The following TARS3 variants were observed in gnomAD, a reference collection of about 807,000 sequenced individuals.
TARS3 encodes threonine--tRNA ligase 2, cytoplasmic.
A neutral mutation model predicts 103.5 loss-of-function variants in TARS3; 94 were observed. The ratio of observed to expected loss-of-function variants is 0.91; its 90% confidence interval spans 0.77 to 1.08. TARS3 has a LOEUF of 1.08. TARS3 is among the 50% of genes least tolerant of loss of function. The pLI is 0.00. For synonymous variants in TARS3, 416 were observed against 355.4 expected, an observed-to-expected ratio of 1.17 and a Z score of -1.92; for missense variants, 952 against 995.2, an observed-to-expected ratio of 0.96 and a Z score of 0.58.
At chr15:101,703,465 C>A (rs778204043) in intron 8 of TARS3, among the ~76,000 whole-genome samples, 16 of 152,172 alleles carry the variant, frequency 1.1e-4, no homozygotes, top group Non-Finnish European at 2.1e-4. Context: ...TGGTGCAGGC[C>A]TGTAATCACA....
chr15:101,710,746 G>A (rs1426215540), intron 5 of TARS3, among the ~76,000 whole-genome samples: 4 of 152,148 alleles, frequency 2.6e-5, no homozygotes, highest in Non-Finnish European at 5.9e-5. Flanking sequence ...GCAGGAGAAG[G>A]TAAAGACAAA....
In TARS3 at chr15:101,701,146, TC is replaced by T. The variant is rs1247505435; in HGVS notation, c.1259del (p.Gly420GlufsTer71). The T allele has an allele frequency of 6.3e-7, 1 of 1,598,112 alleles. No homozygotes were observed. The highest frequency in any genetic ancestry group is 8.5e-7 in the Non-Finnish European group (1 of 1,175,672). Reference protein sequence around the residue: ...ELFFFHDLSPGSCFFLPRGAF... With the variant: ...ELFFFHDLSPXSCFFLPRGAF... ...CTCCTCTGGGAAGGAAAAAACAGCT[TC>T]CAGGACTCAAATCGTGGAAAAAGAA... On this transcript the variant is annotated frameshift_variant, in exon 10 of 19. Coordinates refer to ENST00000335968, the MANE Select transcript of TARS3 (RefSeq NM_152334.3). LOFTEE classifies it high-confidence loss of function.
chr15:101,675,967 G>A (rs1898007527), intron 12 of TARS3, among the ~76,000 whole-genome samples: 1 of 147,096 alleles, frequency 6.8e-6, no homozygotes, highest in South Asian at 2.1e-4. Flanking sequence ...AAAAGGCAGC[G>A]CCGCGCACAG....
intron 11 of TARS3, 84 bp downstream of exon 11, chr15:101,685,812 C>G: frequency 8.7e-7 from 1 of 1,155,900 alleles, no homozygotes; most frequent in Non-Finnish European, 1.2e-6. Context: ...GGGACTCTTT[C>G]ATTCCACAAA....
intron 16 of TARS3, among the ~76,000 whole-genome samples, chr15:101,661,145 A>AAG (rs1233529777): frequency 1.0e-5 from 1 of 99,572 alleles, no homozygotes; most frequent in African/African-American, 4.7e-5. Context: ...CACTCAAAAA[A>AAG]GACCACAAGA....
chr15:101,716,134 G>A lies in TARS3; in HGVS notation c.567-1171C>T, dbSNP rs111259050. ...TGGGTTCAAGCGATTCTCCTGCCTC[G>A]GCCTCCCGAGTAGCTGGGAATACAG... On this transcript the variant is annotated intron_variant, in intron 3 of 18. Transcript: ENST00000335968. 6.7e-4 allele frequency among the ~76,000 whole-genome samples: 101 copies of A among 151,470 alleles called. 1 individual carries two copies. In the South Asian group the frequency reaches 8.8e-3, roughly 13 times the overall value.
chr15:101,709,734 A>G (rs754840025), intron 5 of TARS3, among the ~76,000 whole-genome samples: 3 of 152,228 alleles, frequency 2.0e-5, no homozygotes, highest in Non-Finnish European at 4.4e-5. Context: ...CTGCTGAATC[A>G]CCAGCACCCA....
intron 6 of TARS3, 75 bp from the exon 7 acceptor site, chr15:101,705,822 G>T: frequency 8.1e-7 from 1 of 1,232,004 alleles, no homozygotes. Context: ...TTTTCTTCAA[G>T]AAACATTGAA....
In TARS3 at chr15:101,706,046, G is replaced by T. The variant is rs149387409; in HGVS notation, c.931-299C>A. The stretch of plus-strand genomic sequence containing the variant: ...TGCCACCATCTTGGCTCACTGCAAC[G>T]TCCGTCTCCCTGGTTCAAGCGATTC... On this transcript the variant is annotated intron_variant, in intron 6 of 18. Transcript: ENST00000335968. Among the ~76,000 whole-genome samples the T allele has an allele frequency of 1.6e-3, 240 of 152,254 alleles. 1 individual carries two copies. The highest frequency in any genetic ancestry group is 5.3e-3 in the African/African-American group (221 of 41,550).
chr15:101,697,246 A>G (rs1899024025), intron 10 of TARS3, among the ~76,000 whole-genome samples: 1 of 152,206 alleles, frequency 6.6e-6, no homozygotes, highest in Admixed American at 6.5e-5. Flanking sequence ...TATGAACCTC[A>G]TGATTCTTCA....
intron 3 of TARS3, among the ~76,000 whole-genome samples, chr15:101,717,486 AAGG>A (rs147580969): frequency 0.026 from 3,891 of 152,320 alleles, 181 homozygotes; most frequent in African/African-American, 0.089. Context: ...TCTTCTCCAG[AAGG>A]AGTTTTCCAG....
In TARS3 at chr15:101,702,458, T is replaced by C. The variant is rs1899332739; in HGVS notation, c.1075-73A>G. 13 of 1,308,452 alleles carry C rather than the reference T, an allele frequency of 9.9e-6. No individual in the cohort carries two copies. The Middle Eastern group carries it at 5.5e-4, about 55-fold the overall frequency. 81.1% of individuals were successfully genotyped at this position (1,308,452 alleles called of 1,614,324 possible). ...AAGTAAAACTGCTCTTAAATACAAA[T>C]GCAATTTTCCACTATCATATCAACA... On this transcript the variant is annotated intron_variant, in intron 8 of 18. Coordinates refer to ENST00000335968, the MANE Select transcript of TARS3 (RefSeq NM_152334.3).
intron 3 of TARS3, among the ~76,000 whole-genome samples, chr15:101,718,901 T>C (rs966359921): frequency 6.6e-6 from 1 of 152,240 alleles, no homozygotes; most frequent in Non-Finnish European, 1.5e-5. Flanking sequence ...TCTGTGACTA[T>C]GTGATCCTTA....
intron 15 of TARS3, among the ~76,000 whole-genome samples, chr15:101,663,170 G>A (rs534782892): frequency 3.5e-4 from 54 of 152,262 alleles, no homozygotes; most frequent in African/African-American, 1.3e-3. Context: ...GTGGTCCCAC[G>A]AGATTATAAA....
Position 101,696,210 on chromosome 15 carries a change from C to CA in TARS3, c.1320+4875dup, listed in dbSNP as rs57512244. 9.2e-3 allele frequency among the ~76,000 whole-genome samples: 752 copies of CA among 81,662 alleles called. 38 individuals are homozygous for CA. The highest frequency in any genetic ancestry group is 0.018 in the African/African-American group (411 of 22,944). 53.6% of individuals were successfully genotyped at this position (81,662 alleles called of 152,430 possible). ...TGGGCAACAGAGCGAGACTTTGTCTCAAAAAAAAAAAAAAAAAAAAAAAAA... is the reference window on the plus strand; with the variant it reads ...TGGGCAACAGAGCGAGACTTTGTCTCAAAAAAAAAAAAAAAAAAAAAAAAAA... On this transcript the variant is annotated intron_variant, in intron 10 of 18. Coordinates refer to ENST00000335968, the MANE Select transcript of TARS3 (RefSeq NM_152334.3).
intron 15 of TARS3, among the ~76,000 whole-genome samples, chr15:101,669,406 T>C (rs1447208956): frequency 6.6e-6 from 1 of 152,216 alleles, no homozygotes; most frequent in East Asian, 1.9e-4. Flanking sequence ...CTAAGCTTAA[T>C]TAACTATTGA....
chr15:101,678,724 A>C (rs1898133928), intron 12 of TARS3, among the ~76,000 whole-genome samples: 1 of 152,128 alleles, frequency 6.6e-6, no homozygotes, highest in Admixed American at 6.5e-5. Context: ...ACGCAAAAGG[A>C]GAAGGAAAAT....
intron 9 of TARS3, among the ~76,000 whole-genome samples, chr15:101,701,799 T>C (rs901241857): frequency 1.3e-5 from 2 of 152,070 alleles, no homozygotes; most frequent in African/African-American, 4.8e-5. Context: ...TTTTTGAGAC[T>C]GAGTCTCACT....
intron 11 of TARS3, 50 bp from the exon 12 acceptor site, chr15:101,684,287 A>G: frequency 6.8e-7 from 1 of 1,471,166 alleles, no homozygotes; most frequent in Non-Finnish European, 9.1e-7. Flanking sequence ...AGAAATATTA[A>G]ATAATTATCT....
Sources: gnomAD v4.1 joint callset for allele counts (sites outside exome capture counted in the v4.1 genomes callset) on GRCh38, gnomAD v4.1.1 for gene constraint, MANE v1.5 for transcripts, NCBI Gene and HGNC (gene_info 2026-07-23, HGNC 2026-07-21) for gene names.